The following CTNNBL1 variants were observed in gnomAD, a reference collection of about 807,000 sequenced individuals.
CTNNBL1 encodes the protein beta-catenin-like protein 1.
A neutral mutation model predicts 72.7 loss-of-function variants in CTNNBL1; 31 were observed. The observed-to-expected ratio is 0.43, with a 90% CI of 0.32 to 0.58. CTNNBL1 has a LOEUF of 0.58. CTNNBL1 is among the 20% of genes least tolerant of loss of function. CTNNBL1 has a pLI of 0.08. For synonymous variants in CTNNBL1, 240 were observed against 267.3 expected (o/e 0.90, Z 1.00); for missense variants, 534 against 725.1 (o/e 0.74, Z 3.03).
intron 11 of CTNNBL1, among the ~76,000 whole-genome samples, chr20:37,829,128 G>C (rs561870972): frequency 6.6e-6 from 1 of 152,138 alleles, no homozygotes; most frequent in South Asian, 2.1e-4. Context: ...GGGCAGGTGG[G>C]TGGCAAGGTT....
At chr20:37,718,275 C>T (rs1180954621) in intron 1 of CTNNBL1, among the ~76,000 whole-genome samples, 4 of 135,730 alleles carry the variant, frequency 2.9e-5, no homozygotes, top group South Asian at 4.7e-4. Flanking sequence ...GGTGGCTGGC[C>T]GGGCGGGGGG....
intron 1 of CTNNBL1, among the ~76,000 whole-genome samples, chr20:37,731,357 T>G (rs971783620): frequency 1.3e-5 from 2 of 152,068 alleles, no homozygotes; most frequent in Non-Finnish European, 2.9e-5. Context: ...TGCCTCAGCC[T>G]CCCAAGTAGC....
intron 1 of CTNNBL1, among the ~76,000 whole-genome samples, chr20:37,715,177 C>T (rs888746346): frequency 6.6e-6 from 1 of 152,260 alleles, no homozygotes; most frequent in African/African-American, 2.4e-5. Flanking sequence ...GATGATTTCT[C>T]AATCTCATGG....
At chr20:37,753,403 AT>A (rs2073337512) in intron 4 of CTNNBL1, among the ~76,000 whole-genome samples, 1 of 152,176 alleles carries the variant, frequency 6.6e-6, no homozygotes, top group African/African-American at 2.4e-5. Flanking sequence ...AATGTTTCTT[AT>A]TTTTTAAGTT....
At chr20:37,701,644 G>A (rs1251668925) in intron 1 of CTNNBL1, among the ~76,000 whole-genome samples, 1 of 152,164 alleles carries the variant, frequency 6.6e-6, no homozygotes, top group African/African-American at 2.4e-5. Flanking sequence ...TTCTGTGGGT[G>A]GTAAAGGACA....
At chr20:37,748,068 A>G (rs1240377033) in intron 4 of CTNNBL1, among the ~76,000 whole-genome samples, 1 of 152,164 alleles carries the variant, frequency 6.6e-6, no homozygotes, top group Admixed American at 6.5e-5. Flanking sequence ...CTCTTCTAGT[A>G]GTTGTTCTGT....
At chr20:37,778,522 A>T (rs943327225) in intron 9 of CTNNBL1, among the ~76,000 whole-genome samples, 2 of 152,168 alleles carry the variant, frequency 1.3e-5, no homozygotes, top group Non-Finnish European at 2.9e-5. Context: ...TTCTTGTAGT[A>T]GACTGTATGG....
chr20:37,821,454 A>G (rs1028015390), intron 11 of CTNNBL1, among the ~76,000 whole-genome samples: 1 of 152,226 alleles, frequency 6.6e-6, no homozygotes. Context: ...GGAGAAAATT[A>G]TATATTGAAT....
chr20:37,733,926 A>AT (rs1450714838), intron 2 of CTNNBL1, among the ~76,000 whole-genome samples: 1 of 152,206 alleles, frequency 6.6e-6, no homozygotes, highest in Non-Finnish European at 1.5e-5. Flanking sequence ...ATAAATATTT[A>AT]TTGAATGAAT....
chr20:37,851,781 G>A lies in CTNNBL1; in HGVS notation c.1393-8118G>A, dbSNP rs144454605. Among the ~76,000 whole-genome samples, 1,218 of 152,284 alleles carry A rather than the reference G, an allele frequency of 8.0e-3. 9 individuals carry two copies. The highest frequency in any genetic ancestry group is 0.021 in the Middle Eastern group (6 of 292). On this transcript the variant is annotated intron_variant, in intron 13 of 15. Transcript: ENST00000361383. ...AGAAATCCGTGAAAGTGCTTAGCAC[G>A]GTGACTGGCGCTTAGTAAGGACTCG...
In CTNNBL1 at chr20:37,777,366, A is replaced by G; in HGVS notation, c.772A>G (p.Asn258Asp). 2 of 1,613,874 alleles carry G rather than the reference A, an allele frequency of 1.2e-6. No homozygotes were observed. Among genetic ancestry groups the G allele is most frequent in the Non-Finnish European group, 1.7e-6 (2 of 1,179,772 alleles). ...RLKAKMPFDANKLYCSEVLAI... is the reference protein window; with the variant it reads ...RLKAKMPFDADKLYCSEVLAI... The stretch of plus-strand genomic sequence containing the variant: ...ATAGGCAAAGATGCCTTTTGATGCC[A>G]ACAAACTGTATTGCAGTGAAGTGCT... The change falls in exon 8 of 16, where the codon AAC becomes GAC. Residue 258 changes from asparagine (N) to aspartate (D), a missense_variant. Physicochemically the swap from Asn to Asp is conservative, Grantham distance 23. Coordinates refer to ENST00000361383, the MANE Select transcript of CTNNBL1 (RefSeq NM_030877.5).
At chr20:37,731,624 A>T (rs900697043) in intron 1 of CTNNBL1, among the ~76,000 whole-genome samples, 1 of 152,042 alleles carries the variant, frequency 6.6e-6, no homozygotes, top group Non-Finnish European at 1.5e-5. Flanking sequence ...CTCTACTTCT[A>T]TGAGTTCAGC....
intron 1 of CTNNBL1, 113 bp downstream of exon 1, chr20:37,694,265 C>G (rs1382667243): frequency 1.1e-6 from 1 of 922,526 alleles, no homozygotes; most frequent in African/African-American, 1.7e-5. Context: ...CCTCTAACTT[C>G]TCATGCCACC....
At chr20:37,782,353 CAT>C (rs2073633611) in intron 10 of CTNNBL1, among the ~76,000 whole-genome samples, 1 of 152,084 alleles carries the variant, frequency 6.6e-6, no homozygotes, top group Non-Finnish European at 1.5e-5. Context: ...CTCATTGATA[CAT>C]ACTCCCTCCT....
chr20:37,826,201 A>T (rs1213807649), intron 11 of CTNNBL1, among the ~76,000 whole-genome samples: 1 of 152,200 alleles, frequency 6.6e-6, no homozygotes, highest in East Asian at 1.9e-4. Flanking sequence ...AAGCATACAT[A>T]CTCACTTCTT....
At chr20:37,835,406 G>A (rs973360584) in intron 11 of CTNNBL1, among the ~76,000 whole-genome samples, 1 of 152,026 alleles carries the variant, frequency 6.6e-6, no homozygotes, top group African/African-American at 2.4e-5. Context: ...AACCTCATTC[G>A]TAACAAGAAC....
At chr20:37,834,067 C>A (rs1238718571) in intron 11 of CTNNBL1, among the ~76,000 whole-genome samples, 1 of 152,140 alleles carries the variant, frequency 6.6e-6, no homozygotes. Flanking sequence ...TCTTAGTATA[C>A]CATTGCAGTT....
chr20:37,755,021 G>T (rs1292794460), intron 4 of CTNNBL1, among the ~76,000 whole-genome samples: 1 of 152,014 alleles, frequency 6.6e-6, no homozygotes, highest in Non-Finnish European at 1.5e-5. Flanking sequence ...TGGCCAGGCT[G>T]GTCTTGAACT....
Position 37,737,599 on chromosome 20 carries a change from C to A in CTNNBL1, c.326+115C>A, listed in dbSNP as rs1402872384. 7.6e-6 allele frequency: 5 copies of A among 654,116 alleles called. No individual in the cohort carries two copies. The Admixed American group carries it at 1.1e-4, about 15-fold the overall frequency. 40.5% of individuals were successfully genotyped at this position (654,116 alleles called of 1,614,324 possible). Reference sequence around the variant, plus strand: ...ATTTGGGCCAGGAATCCCAGGATGACCCCCATGTTTGGGAATTCACTAGAA... The same window carrying A: ...ATTTGGGCCAGGAATCCCAGGATGAACCCCATGTTTGGGAATTCACTAGAA... On this transcript the variant is annotated intron_variant, in intron 3 of 15. Coordinates refer to ENST00000361383, the MANE Select transcript of CTNNBL1 (RefSeq NM_030877.5).
Sources: gnomAD v4.1 joint callset for allele counts (sites outside exome capture counted in the v4.1 genomes callset) on GRCh38, gnomAD v4.1.1 for gene constraint, MANE v1.5 for transcripts, NCBI Gene and HGNC (gene_info 2026-07-23, HGNC 2026-07-21) for gene names.